Variants in SLC4A11 observed in about 807,000 individuals in gnomAD.
The protein encoded by SLC4A11 is bicarbonate transporter related protein 1.
In SLC4A11, 74 loss-of-function variants were observed where a neutral mutation model predicts 95.0. The observed-to-expected ratio is 0.78, with a 90% CI of 0.65 to 0.95. SLC4A11 has a LOEUF of 0.95. SLC4A11 is among the 40% of genes least tolerant of loss of function. The pLI is 0.00. For missense variants in SLC4A11, 1,081 were observed against 1,192.4 expected (o/e 0.91, Z 1.38); for synonymous variants, 548 against 519.0 (o/e 1.06, Z -0.76).
chr20:3,233,766 G>C (rs1415065128), intron 6 of SLC4A11, 129 bp from the exon 7 acceptor site: 2 of 1,527,346 alleles, frequency 1.3e-6, no homozygotes, highest in Admixed American at 1.7e-5. Context: ...CAAATGGGAC[G>C]TTCCTTGGCA....
chr20:3,234,054 C>T lies in SLC4A11; in HGVS notation c.523+29G>A, dbSNP rs2067877367. On this transcript the variant is annotated intron_variant, in intron 5 of 19. Transcript: ENST00000642402. The surrounding 1 kb of genome is among the most constrained non-coding windows in gnomAD (Gnocchi z 5.8). ...GTGGGTCAACAGCCCCTCCCAACGC[C>T]CCCGCCCGGGCCGGGAGACCGGCCT... is the stretch of plus-strand genomic sequence containing the variant. The T allele has an allele frequency of 3.7e-6, 6 of 1,613,572 alleles. No individual in the cohort carries two copies. Among genetic ancestry groups the T allele is most frequent in the Non-Finnish European group, 4.2e-6 (5 of 1,179,946 alleles).
intron 1 of SLC4A11, 65 bp downstream of exon 1, chr20:3,239,030 C>T: frequency 6.9e-7 from 1 of 1,451,402 alleles, no homozygotes. Context: ...CCGGGGTCCC[C>T]GACGGGAGAC....
At chr20:3,227,925 C>A (rs2067585451) in intron 19 of SLC4A11, 69 bp from the exon 20 acceptor site, 1 of 1,427,592 alleles carries the variant, frequency 7.0e-7, no homozygotes, top group South Asian at 1.2e-5. Flanking sequence ...CATCCCAGCC[C>A]ACCCCAGCCC....
In SLC4A11 at chr20:3,231,461, G is replaced by A. The variant is rs185463872; in HGVS notation, c.817C>T (p.Arg273Cys). 55 of 1,614,086 alleles carry A rather than the reference G, an allele frequency of 3.4e-5. No individual in the cohort carries two copies. Among genetic ancestry groups the A allele is most frequent in the Admixed American group, 1.8e-4 (11 of 60,028 alleles). ...GCCTCCTTGAATTCCTCCTCTGTGCGGGTCTCCAGGAGCTTCTGGCGGAAG... is the reference window on the plus strand; with the variant it reads ...GCCTCCTTGAATTCCTCCTCTGTGCAGGTCTCCAGGAGCTTCTGGCGGAAG... The part of the protein sequence containing the change: ...IAFRQKLLET[R>C]TEEEFKEALV... The change falls in exon 8 of 20, where the codon CGC (arginine) becomes TGC (cysteine). Residue 273 changes from arginine (R) to cysteine (C), a missense_variant. Coordinates refer to ENST00000642402, the MANE Select transcript of SLC4A11 (RefSeq NM_001174089.2). The surrounding 1 kb of genome is among the most constrained non-coding windows in gnomAD (Gnocchi z 5.2).
chr20:3,238,210 G>A, intron 1 of SLC4A11: 2 of 1,413,892 alleles, frequency 1.4e-6, no homozygotes, highest in Non-Finnish European at 1.8e-6. Flanking sequence ...GGGGTGGGAG[G>A]AGTATCTGAG....
At chr20:3,239,497 G>C, upstream of SLC4A11, 2 of 1,004,002 alleles carry the variant, frequency 2.0e-6, no homozygotes, top group South Asian at 9.3e-5. Context: ...GGGCCGGGGA[G>C]CTTCTGGGAA....
At position 3,230,658 on chromosome 20, in the gene SLC4A11, G is replaced by T. The variant is rs41281862; in HGVS notation, c.1283-11C>A. The T allele has an allele frequency of 1.2e-5, 20 of 1,613,280 alleles. No individual in the cohort carries two copies. The South Asian group carries it at 1.5e-4, about 12-fold the overall frequency. On this transcript the variant is annotated splice_polypyrimidine_tract_variant and intron_variant, in intron 11 of 19. Transcript: ENST00000642402. ...AGATGACACGAATCACTGCAGGCAG[G>T]GGGCAGGGCGGGTCAGGGCCCGGCA...
rs2067758670 is a variant in SLC4A11 at position 3,231,166 on chromosome 20, G to T, written c.1025C>A (p.Pro342His). The change falls in exon 9 of 20, where the codon CCC becomes CAC. Residue 342 changes from proline (P) to histidine (H), a missense_variant. Around this residue, in one of 3 missense-constraint regions of SLC4A11, gnomAD observed 767 missense variants for 858.0 expected, o/e 0.89. Coordinates refer to ENST00000642402, the MANE Select transcript of SLC4A11 (RefSeq NM_001174089.2). The surrounding 1 kb of genome is among the most constrained non-coding windows in gnomAD (Gnocchi z 5.2). ...EDIARRFPLY[P>H]LDFTDGIIGK... is the part of the protein sequence containing the mutation. ...CCACGTACCATCAGTGAAGTCCAAG[G>T]GGTACAAGGGGAACCTGCGTGCGAT... is the stretch of plus-strand genomic sequence containing the variant. 1 of 1,614,038 alleles carries T rather than the reference G, an allele frequency of 6.2e-7. No homozygotes were observed. The highest frequency in any genetic ancestry group is 1.1e-5 in the South Asian group (1 of 91,086).
intron 1 of SLC4A11, chr20:3,238,848 G>A: frequency 8.2e-7 from 1 of 1,215,274 alleles, no homozygotes; most frequent in Non-Finnish European, 1.0e-6. Flanking sequence ...TTCAAACCTG[G>A]TAAGAAATTC....
chr20:3,237,857 T>C (rs1323268367), intron 1 of SLC4A11: 1 of 1,551,714 alleles, frequency 6.4e-7, no homozygotes, highest in Non-Finnish European at 8.7e-7. Context: ...GGAGAGACGT[T>C]CCAGGGATGT....
Position 3,231,337 on chromosome 20 carries a change from T to A in SLC4A11, c.941A>T (p.His314Leu). 1 of 1,613,662 alleles carries A rather than the reference T, an allele frequency of 6.2e-7. No homozygotes were observed. The highest frequency in any genetic ancestry group is 1.1e-5 in the South Asian group (1 of 91,056). ...RSTVSLPAHR[H>L]PEPPKCKDFV... ...CCGGCCTCTACCCTGTACCTCTGGGTGTCTGTGGGCAGGGAGGGAGACTGT... is the reference window on the plus strand; with the variant it reads ...CCGGCCTCTACCCTGTACCTCTGGGAGTCTGTGGGCAGGGAGGGAGACTGT... Residue 314 changes from histidine (H) to leucine (L), a missense_variant, in exon 8 of 20, where the codon CAC (histidine) becomes CTC (leucine). Transcript: ENST00000642402. This position sits in a 1 kb window ranked among gnomAD's most constrained non-coding sequence, Gnocchi z 5.2.
At position 3,231,288 on chromosome 20, in the gene SLC4A11, C is replaced by A; in HGVS notation, c.948+42G>T. 3.1e-6 allele frequency: 5 copies of A among 1,613,378 alleles called. No individual in the cohort carries two copies. The highest frequency in any genetic ancestry group is 4.2e-6 in the Non-Finnish European group (5 of 1,179,902). On this transcript the variant is annotated intron_variant, in intron 8 of 19. Transcript: ENST00000642402. This position sits in a 1 kb window ranked among gnomAD's most constrained non-coding sequence, Gnocchi z 5.2. ...CCTGTTAGCCCTGTCCGGCCCATGC[C>A]CCCGCCGACCCTGCCGGCCCCCGCC...
rs373375969 is a variant in SLC4A11, at chr20:3,229,205, C to T, written c.1908G>A (p.Ser636=). ...CACCGCTGACGGCCCTCAGGGACAG[C>T]GACTGGATCTGCGCCATCGCAAAGG... The part of the protein sequence containing the change: ...ESPFAMAQIQ[S]LSLRAVSGAM... Residue 636 remains serine (S), a synonymous_variant, in exon 16 of 20, where the codon TCG becomes TCA. Coordinates refer to ENST00000642402, the MANE Select transcript of SLC4A11 (RefSeq NM_001174089.2). 8.7e-6 allele frequency: 14 copies of T among 1,612,572 alleles called. No homozygotes were observed. The highest frequency in any genetic ancestry group is 2.7e-5 in the African/African-American group (2 of 74,908).
Position 3,228,417 on chromosome 20 carries a change from G to C in SLC4A11, c.2400C>G (p.Pro800=). 6.2e-7 allele frequency: 1 copy of C among 1,613,262 alleles called. No individual in the cohort carries two copies. Among genetic ancestry groups the C allele is most frequent in the African/African-American group, 1.3e-5 (1 of 75,034 alleles). The part of the protein sequence containing the change: ...ALLLKEQTAY[P]PTHYIRRVPQ... ...GCACCCTCCGGATGTAGTGTGTCGG[G>C]GGGTACGCAGTCTGTGGGCGGCAGG... The change falls in exon 19 of 20, where the codon CCC becomes CCG. Residue 800 remains proline, a synonymous_variant. Coordinates refer to ENST00000642402, the MANE Select transcript of SLC4A11 (RefSeq NM_001174089.2).
rs201381637 is a variant in SLC4A11, at chr20:3,229,679, G to T, written c.1587C>A (p.Asn529Lys). Residue 529 changes from asparagine to lysine, a missense_variant, in exon 14 of 20, where the codon AAC becomes AAA. By Grantham distance (94) the Asn-to-Lys change is moderately conservative. Coordinates refer to ENST00000642402, the MANE Select transcript of SLC4A11 (RefSeq NM_001174089.2). ...VSLSGLGASL[N>K]ASLHTALNAS... ...CGTTGAGGGCAGTGTGGAGGCTGGCGTTGAGGCTGGCGCCGAGGCCTGACA... is the reference window on the plus strand; with the variant it reads ...CGTTGAGGGCAGTGTGGAGGCTGGCTTTGAGGCTGGCGCCGAGGCCTGACA... 6.2e-7 allele frequency: 1 copy of T among 1,613,910 alleles called. No homozygotes were observed. The highest frequency in any genetic ancestry group is 1.1e-5 in the South Asian group (1 of 91,084).
rs1485995545 is a variant in SLC4A11, at chr20:3,231,297, C to T, written c.948+33G>A. On this transcript the variant is annotated intron_variant, in intron 8 of 19. Coordinates refer to ENST00000642402, the MANE Select transcript of SLC4A11 (RefSeq NM_001174089.2). This position sits in a 1 kb window ranked among gnomAD's most constrained non-coding sequence, Gnocchi z 5.2. The stretch of plus-strand genomic sequence containing the variant: ...CCTGTCCGGCCCATGCCCCCGCCGA[C>T]CCTGCCGGCCCCCGCCGGCCTCTAC... 1.9e-6 allele frequency: 3 copies of T among 1,613,438 alleles called. No homozygotes were observed. The South Asian group carries it at 3.3e-5, about 18-fold the overall frequency.
In SLC4A11 at chr20:3,234,609, CTT is replaced by C; in HGVS notation, c.248_249del (p.Glu83GlyfsTer51). ...LEMQATNTEN[E>X]ATSGGCVLLH... ...AGGAGCACACAGCCACCGGAAGTCG[CTT>C]CATTCTCTGCCGGAGAAAAGCGGGG... is the stretch of plus-strand genomic sequence containing the variant. On this transcript the variant is annotated frameshift_variant, in exon 4 of 20. Coordinates refer to ENST00000642402, the MANE Select transcript of SLC4A11 (RefSeq NM_001174089.2). LOFTEE classifies it high-confidence loss of function. This position sits in a 1 kb window ranked among gnomAD's most constrained non-coding sequence, Gnocchi z 5.8. 6.2e-7 allele frequency: 1 copy of C among 1,613,924 alleles called. No individual in the cohort carries two copies. The highest frequency in any genetic ancestry group is 1.1e-5 in the South Asian group (1 of 91,082).
chr20:3,237,785 C>T, intron 1 of SLC4A11, 197 bp from the exon 2 acceptor site: 1 of 1,606,406 alleles, frequency 6.2e-7, no homozygotes, highest in Non-Finnish European at 8.5e-7. Flanking sequence ...CAGCCTTAAT[C>T]TCAGAAATTC....
Position 3,229,008 on chromosome 20 carries a change from C to T in SLC4A11, c.2022G>A (p.Leu674=), listed in dbSNP as rs2122510908. ...CCCAGTGGTAGGCAGTGCCCTTCAC[C>T]AGCCTGCAGCAGACGGGCACTCGTG... ...AALVNAPENR[L]VKGTAYHWDL... The change falls in exon 17 of 20, where the codon CTG becomes CTA. Residue 674 remains leucine (L), a synonymous_variant. Transcript: ENST00000642402. The T allele has an allele frequency of 6.2e-7, 1 of 1,613,124 alleles. No individual in the cohort carries two copies. Among genetic ancestry groups the T allele is most frequent in the Non-Finnish European group, 8.5e-7 (1 of 1,179,926 alleles).
Sources: allele counts gnomAD v4.1 joint callset, GRCh38; gene constraint gnomAD v4.1.1; regional missense constraint gnomAD v4.1.1; non-coding constraint Gnocchi (gnomAD v3.1); transcripts MANE v1.5; gene names NCBI Gene and HGNC (gene_info 2026-07-23, HGNC 2026-07-21).